SKIC2: variants seen among roughly 807,000 people sequenced by gnomAD.
SKIC2 encodes the protein SKI2 subunit of superkiller complex.
At chr6:31,960,673 G>T in the SKIC2 span, 1 of 1,588,546 alleles carries the variant, frequency 6.3e-7, no homozygotes, top group East Asian at 2.2e-5. Context: ...CAGGGGGGAT[G>T]GATGAACCCA....
the SKIC2 span, chr6:31,967,346 A>G: frequency 6.2e-7 from 1 of 1,612,810 alleles, no homozygotes; most frequent in Non-Finnish European, 8.5e-7. This position sits in a 1 kb window ranked among gnomAD's most constrained non-coding sequence, Gnocchi z 4.9. Flanking sequence ...AAGAATCAGG[A>G]GCATCACAAC....
the SKIC2 span, chr6:31,962,746 G>A: frequency 4.3e-6 from 7 of 1,612,646 alleles, no homozygotes; most frequent in South Asian, 1.1e-5. The surrounding 1 kb of genome is among the most constrained non-coding windows in gnomAD (Gnocchi z 5.0). Flanking sequence ...GATGTTATTC[G>A]GGACCTGGAG....
At chr6:31,963,003 G>C in the SKIC2 span, 1 of 1,612,172 alleles carries the variant, frequency 6.2e-7, no homozygotes, top group Non-Finnish European at 8.5e-7. This position sits in a 1 kb window ranked among gnomAD's most constrained non-coding sequence, Gnocchi z 5.3. Flanking sequence ...CGTGTGGGAG[G>C]AGGTGCTTAT....
the SKIC2 span, chr6:31,959,368 C>G: frequency 6.2e-7 from 1 of 1,613,632 alleles, no homozygotes; most frequent in African/African-American, 1.3e-5. Flanking sequence ...GCACTGGGAG[C>G]TGCTGAACTT....
chr6:31,966,843 C>G, the SKIC2 span: 1 of 1,614,150 alleles, frequency 6.2e-7, no homozygotes, highest in Non-Finnish European at 8.5e-7. This position sits in a 1 kb window ranked among gnomAD's most constrained non-coding sequence, Gnocchi z 5.9. Context: ...GCAAAGACAG[C>G]AAGGTAAGGA....
chr6:31,969,184 A>G, the SKIC2 span: 5 of 1,557,090 alleles, frequency 3.2e-6, no homozygotes, highest in Non-Finnish European at 3.5e-6. The surrounding 1 kb of genome is among the most constrained non-coding windows in gnomAD (Gnocchi z 6.1). Context: ...CAGCCCTGTA[A>G]GTGCCCCAAG....
the SKIC2 span, chr6:31,967,058 C>T: frequency 6.2e-7 from 1 of 1,612,956 alleles, no homozygotes; most frequent in South Asian, 1.1e-5. The surrounding 1 kb of genome is among the most constrained non-coding windows in gnomAD (Gnocchi z 4.9). Context: ...TTTGGAGGAG[C>T]CTGACATGAC....
the SKIC2 span, chr6:31,961,669 C>T: frequency 6.2e-7 from 1 of 1,611,944 alleles, no homozygotes; most frequent in Non-Finnish European, 8.5e-7. Flanking sequence ...CCCAGCCAGC[C>T]TTCCAGGTAC....
chr6:31,969,018 G>C, the SKIC2 span: 730 of 1,612,728 alleles, frequency 4.5e-4, 5 homozygotes, highest in Non-Finnish European at 1.0e-4. This position sits in a 1 kb window ranked among gnomAD's most constrained non-coding sequence, Gnocchi z 6.1. Context: ...GGAGATTGCT[G>C]CCTTGCTCTC....
the SKIC2 span, chr6:31,965,803 C>G: frequency 5.0e-6 from 8 of 1,610,940 alleles, no homozygotes; most frequent in Non-Finnish European, 6.8e-6. This position sits in a 1 kb window ranked among gnomAD's most constrained non-coding sequence, Gnocchi z 5.6. Context: ...CCACAGAGAC[C>G]TTTGCCATGG....
At chr6:31,960,306 C>T in the SKIC2 span, 3 of 1,613,478 alleles carry the variant, frequency 1.9e-6, no homozygotes, top group Non-Finnish European at 2.5e-6. Flanking sequence ...CAAAGACACC[C>T]AACCACAGGC....
chr6:31,959,938 T>A, the SKIC2 span: 1 of 1,087,762 alleles, frequency 9.2e-7, no homozygotes. Context: ...TGAACACAAG[T>A]CCCATCATCT....
the SKIC2 span, chr6:31,960,721 G>GGT: frequency 6.4e-7 from 1 of 1,568,596 alleles, no homozygotes; most frequent in Non-Finnish European, 8.6e-7. Context: ...AGGCTGAGGA[G>GGT]GAGATAGACT....
chr6:31,963,846 A>AC, the SKIC2 span: 2 of 1,488,458 alleles, frequency 1.3e-6, no homozygotes, highest in Non-Finnish European at 1.9e-6. The surrounding 1 kb of genome is among the most constrained non-coding windows in gnomAD (Gnocchi z 5.3). Flanking sequence ...CCCAGTTAAC[A>AC]CTAGCTCACC....
chr6:31,963,417 C>T, the SKIC2 span: 1 of 1,562,746 alleles, frequency 6.4e-7, no homozygotes, highest in Non-Finnish European at 8.6e-7. This position sits in a 1 kb window ranked among gnomAD's most constrained non-coding sequence, Gnocchi z 5.3. Context: ...CTTCAGGCGG[C>T]TGAAGCGTCG....
At chr6:31,961,695 A>T in the SKIC2 span, 1 of 1,608,414 alleles carries the variant, frequency 6.2e-7, no homozygotes, top group East Asian at 2.2e-5. Flanking sequence ...CCCCATCTTC[A>T]CACGCTCCTC....
chr6:31,963,583 A>T, the SKIC2 span: 1 of 1,544,372 alleles, frequency 6.5e-7, no homozygotes, highest in Non-Finnish European at 8.7e-7. This position sits in a 1 kb window ranked among gnomAD's most constrained non-coding sequence, Gnocchi z 5.3. Context: ...TGGGGGAAAG[A>T]GTTAGGGCTG....
At chr6:31,961,231 A>C in the SKIC2 span, 22 of 1,613,840 alleles carry the variant, frequency 1.4e-5, no homozygotes, top group Non-Finnish European at 1.8e-5. Flanking sequence ...ACTAAGCCTT[A>C]GCTGTATGTT....
the SKIC2 span, chr6:31,967,171 T>C: frequency 6.8e-6 from 11 of 1,607,084 alleles, no homozygotes; most frequent in African/African-American, 4.0e-5. The surrounding 1 kb of genome is among the most constrained non-coding windows in gnomAD (Gnocchi z 4.9). Flanking sequence ...GAGGAGGTGA[T>C]AGGAGAAGGG....
Sources: gnomAD v4.1 joint callset for allele counts on GRCh38, gnomAD v4.1.1 for gene constraint, Gnocchi (gnomAD v3.1) non-coding constraint, MANE v1.5 for transcripts, NCBI Gene and HGNC (gene_info 2026-07-23, HGNC 2026-07-21) for gene names.